Variants in DOCK11 observed in about 807,000 individuals in gnomAD.
The protein encoded by DOCK11 is dedicator of cytokinesis 11.
In DOCK11, 70 loss-of-function variants were observed where a neutral mutation model predicts 169.1. The ratio of observed to expected loss-of-function variants is 0.41; its 90% confidence interval spans 0.34 to 0.51. DOCK11 has a LOEUF of 0.51. DOCK11 is among the 20% of genes least tolerant of loss of function. The probability of loss-of-function intolerance (pLI) is 0.10; values close to 1 mark genes in which losing one functional copy is unlikely to be tolerated. For synonymous variants in DOCK11, 529 were observed against 541.3 expected, an observed-to-expected ratio of 0.98 and a Z score of 0.32; for missense variants, 1,166 against 1,538.8, an observed-to-expected ratio of 0.76 and a Z score of 4.05.
chrX:118,512,154 G>C (rs932838789), intron 1 of DOCK11, among the ~76,000 whole-genome samples: 1 of 111,760 alleles, frequency 8.9e-6, no homozygotes, highest in Non-Finnish European at 1.9e-5. Context: ...TGCCTGCCTT[G>C]GCCTCCCAAA....
At chrX:118,616,428 T>C (rs1447736638) in intron 30 of DOCK11, among the ~76,000 whole-genome samples, 1 of 112,328 alleles carries the variant, frequency 8.9e-6, no homozygotes, top group Non-Finnish European at 1.9e-5. Flanking sequence ...TAAAACTGAG[T>C]GTTGCTAGAG....
intron 1 of DOCK11, among the ~76,000 whole-genome samples, chrX:118,516,809 A>G (rs2057693007): frequency 8.9e-6 from 1 of 112,030 alleles, no homozygotes; most frequent in Non-Finnish European, 1.9e-5. Flanking sequence ...CTATTTTTAT[A>G]AAATAATGCA....
intron 44 of DOCK11, 49 bp downstream of exon 44, chrX:118,655,010 T>A: frequency 9.2e-7 from 1 of 1,087,563 alleles, no homozygotes; most frequent in Non-Finnish European, 1.3e-6. Context: ...TTTAGCATAA[T>A]AGTTTTTTAT....
intron 12 of DOCK11, among the ~76,000 whole-genome samples, chrX:118,577,079 C>T (rs893915279): frequency 4.4e-5 from 5 of 112,779 alleles, no homozygotes; most frequent in Non-Finnish European, 9.4e-5. Flanking sequence ...CTTTCTGAGC[C>T]TCCACTTCTT....
rs549680880 is a variant in DOCK11 at position 118,539,801 on chromosome X, A to G, written c.103-2924A>G. ...CATGGTGGCTCATGCCTGTAATTCC[A>G]GTACTTTGGGAGGTCAAGGCGGGGG... On this transcript the variant is annotated intron_variant, in intron 1 of 52. Coordinates refer to ENST00000276202, the MANE Select transcript of DOCK11 (RefSeq NM_144658.4). Among the ~76,000 whole-genome samples the G allele has an allele frequency of 7.3e-5, 8 of 110,116 alleles. No homozygotes were observed. In the South Asian group the frequency reaches 1.9e-3, roughly 27 times the overall value.
intron 12 of DOCK11, among the ~76,000 whole-genome samples, chrX:118,577,722 T>C (rs1013873556): frequency 8.9e-6 from 1 of 111,805 alleles, no homozygotes; most frequent in Non-Finnish European, 1.9e-5. Flanking sequence ...ACAAATGAGA[T>C]AATGTGTCTG....
chrX:118,562,642 C>T (rs2012949261), intron 7 of DOCK11, among the ~76,000 whole-genome samples: 1 of 112,024 alleles, frequency 8.9e-6, no homozygotes, highest in African/African-American at 3.2e-5. Flanking sequence ...GCTCTGGTCA[C>T]ACCAGGCTAA....
intron 40 of DOCK11, among the ~76,000 whole-genome samples, chrX:118,647,754 TATATA>T (rs2015754870): frequency 4.6e-5 from 2 of 43,687 alleles, no homozygotes; most frequent in Non-Finnish European, 6.9e-5. Context: ...TATATAATAA[TATATA>T]ATATATTATA....
At chrX:118,586,135 A>G (rs1308918238) in intron 16 of DOCK11, among the ~76,000 whole-genome samples, 1 of 111,844 alleles carries the variant, frequency 8.9e-6, no homozygotes, top group African/African-American at 3.2e-5. Context: ...ATAACTATCT[A>G]TTGAGTAAAC....
At chrX:118,576,923 C>T (rs2013466960) in intron 12 of DOCK11, among the ~76,000 whole-genome samples, 1 of 112,142 alleles carries the variant, frequency 8.9e-6, no homozygotes, top group Non-Finnish European at 1.9e-5. Context: ...AGCCACCACA[C>T]CCAGCAGTAT....
intron 6 of DOCK11, among the ~76,000 whole-genome samples, chrX:118,554,788 T>C (rs997263805): frequency 1.8e-5 from 2 of 111,197 alleles, no homozygotes; most frequent in East Asian, 5.7e-4. Context: ...TCAGTAGTCA[T>C]GGGAGATGAA....
chrX:118,606,775 A>C (rs752646651), intron 24 of DOCK11, among the ~76,000 whole-genome samples: 1 of 111,894 alleles, frequency 8.9e-6, no homozygotes, highest in East Asian at 2.8e-4. Flanking sequence ...TACCAGTAGC[A>C]TCAATATCGC....
intron 1 of DOCK11, among the ~76,000 whole-genome samples, chrX:118,531,864 G>A (rs893196620): frequency 2.7e-5 from 3 of 110,919 alleles, no homozygotes; most frequent in African/African-American, 9.8e-5. Context: ...CAGCTGAAGT[G>A]TATATTTTCA....
chrX:118,525,653 TTATATAG>T (rs984897561), intron 1 of DOCK11, among the ~76,000 whole-genome samples: 7 of 111,603 alleles, frequency 6.3e-5, no homozygotes, highest in East Asian at 2.8e-4. Flanking sequence ...ATGCAGACAC[TTATATAG>T]TATATACTTA....
At chrX:118,516,004 A>ACTCTCTCTCTCTATATATATATAT (rs1436837389) in intron 1 of DOCK11, among the ~76,000 whole-genome samples, 1 of 44,954 alleles carries the variant, frequency 2.2e-5, no homozygotes, top group African/African-American at 1.2e-4. Flanking sequence ...GATTTGGGCA[A>ACTCTCTCTCTCTATATATATATAT]ATATATATAT....
chrX:118,536,493 A>T (rs1229098972), intron 1 of DOCK11, among the ~76,000 whole-genome samples: 1 of 111,816 alleles, frequency 8.9e-6, no homozygotes, highest in Non-Finnish European at 1.9e-5. Flanking sequence ...TATGAATAAA[A>T]CTAGAAGGCA....
chrX:118,667,293 CTCAAGATCCTGATAGTG>C (rs1178594148), intron 45 of DOCK11, among the ~76,000 whole-genome samples: 3 of 111,147 alleles, frequency 2.7e-5, no homozygotes, highest in Non-Finnish European at 5.7e-5. Context: ...CTGTGCCTAC[CTCAAGATCCTGATAGTG>C]TTGTCCTGTG....
At chrX:118,572,540 C>A in intron 11 of DOCK11, 77 bp downstream of exon 11, 1 of 1,005,591 alleles carries the variant, frequency 9.9e-7, no homozygotes, top group Non-Finnish European at 1.3e-6. Context: ...ATTTGTACAC[C>A]AAACCTCCGT....
At chrX:118,645,931 CT>C (rs2015649028) in intron 40 of DOCK11, among the ~76,000 whole-genome samples, 1 of 105,310 alleles carries the variant, frequency 9.5e-6, no homozygotes, top group Non-Finnish European at 1.9e-5. Flanking sequence ...TGGCAGGTGC[CT>C]GTAGTCCCAG....
Sources: allele counts gnomAD v4.1 joint callset (sites outside exome capture counted in the v4.1 genomes callset), GRCh38; gene constraint gnomAD v4.1.1; transcripts MANE v1.5; gene names NCBI Gene and HGNC (gene_info 2026-07-23, HGNC 2026-07-21).